Variants in GRM8 observed in about 807,000 individuals in gnomAD.
The protein encoded by GRM8 is glutamate metabotropic receptor 8.
A neutral mutation model predicts 87.2 loss-of-function variants in GRM8; 47 were observed. The observed-to-expected ratio is 0.54, with a 90% confidence interval of 0.43 to 0.69. The LOEUF is 0.69. Ranked by LOEUF, GRM8 falls within the 30% of genes least tolerant of loss-of-function variation. The pLI is 0.00. For missense variants in GRM8, 1,019 were observed against 1,139.2 expected (o/e 0.89, Z 1.52); for synonymous variants, 396 against 404.5 (o/e 0.98, Z 0.25).
chr7:126,849,720 T>A (rs2130703836), intron 6 of GRM8, among the ~76,000 whole-genome samples: 1 of 152,148 alleles, frequency 6.6e-6, no homozygotes, highest in Admixed American at 6.5e-5. Flanking sequence ...CCAGAAGCAA[T>A]TACAAGGGAA....
intron 7 of GRM8, among the ~76,000 whole-genome samples, chr7:126,726,712 C>A (rs1190759947): frequency 2.0e-5 from 3 of 152,078 alleles, no homozygotes; most frequent in African/African-American, 7.2e-5. Flanking sequence ...CCAGAAAAAT[C>A]TTCAGATTTT....
intron 3 of GRM8, among the ~76,000 whole-genome samples, chr7:127,089,170 A>C (rs1479126542): frequency 6.6e-6 from 1 of 152,226 alleles, no homozygotes; most frequent in Admixed American, 6.5e-5. Flanking sequence ...AAGAGACAGA[A>C]AAGGAGAAAA....
In GRM8 at chr7:127,106,493, T is replaced by A. The variant is rs1313458109; in HGVS notation, c.727+3A>T. The A allele has an allele frequency of 6.2e-7, 1 of 1,608,310 alleles. No individual in the cohort carries two copies. Among genetic ancestry groups the A allele is most frequent in the Admixed American group, 1.7e-5 (1 of 59,980 alleles). ...TACAATCATCTGATAAATATATGCT[T>A]ACCAATCTCCCTCGAGATCTGGGTG... On this transcript the variant is annotated splice_donor_region_variant and intron_variant, in intron 3 of 10. Transcript: ENST00000339582.
At chr7:126,701,800 A>G (rs752865814) in intron 7 of GRM8, 7 of 1,292,338 alleles carry the variant, frequency 5.4e-6, no homozygotes, top group Non-Finnish European at 7.2e-6. Flanking sequence ...TGGCCAGGGT[A>G]GAGACATCTG....
chr7:127,119,667 T>C lies in GRM8; in HGVS notation c.511-12955A>G, dbSNP rs17866146. 2.0e-4 allele frequency among the ~76,000 whole-genome samples: 31 copies of C among 152,294 alleles called. No individual in the cohort carries two copies. In the East Asian group the frequency reaches 6.0e-3, roughly 29 times the overall value. Reference sequence around the variant, plus strand: ...TGCTTAGGAAAAGCTAACAATTCAGTAGTCTTGGTGAAAGGTGTTCATGAG... The same window carrying C: ...TGCTTAGGAAAAGCTAACAATTCAGCAGTCTTGGTGAAAGGTGTTCATGAG... On this transcript the variant is annotated intron_variant, in intron 2 of 10. Transcript: ENST00000339582.
At chr7:126,839,022 C>T (rs1796038968) in intron 6 of GRM8, among the ~76,000 whole-genome samples, 1 of 152,134 alleles carries the variant, frequency 6.6e-6, no homozygotes, top group South Asian at 2.1e-4. Context: ...GCAAGCCCTT[C>T]AGCCTGAAAT....
chr7:126,605,596 T>C (rs1317819351), intron 8 of GRM8, among the ~76,000 whole-genome samples: 1 of 152,176 alleles, frequency 6.6e-6, no homozygotes, highest in Non-Finnish European at 1.5e-5. Context: ...ACCCTCTTTG[T>C]ACAAATTTAT....
intron 6 of GRM8, among the ~76,000 whole-genome samples, chr7:126,811,346 A>AT (rs918072401): frequency 7.6e-5 from 11 of 145,090 alleles, no homozygotes; most frequent in East Asian, 2.0e-4. Context: ...GGTATTCGGG[A>AT]TTTTTTTTTT....
chr7:126,986,876 C>G (rs192611104), intron 3 of GRM8, among the ~76,000 whole-genome samples: 51 of 152,286 alleles, frequency 3.3e-4, no homozygotes, highest in African/African-American at 1.2e-3. Context: ...ATTGATATAG[C>G]ACTTGCTACA....
At position 126,533,780 on chromosome 7, in the gene GRM8, G is replaced by A. The variant is rs1438727099; in HGVS notation, c.1602C>T (p.Cys534=). 10 of 1,613,980 alleles carry A rather than the reference G, an allele frequency of 6.2e-6. No individual in the cohort carries two copies. The highest frequency in any genetic ancestry group is 1.3e-5 in the African/African-American group (1 of 75,008). Residue 534 remains cysteine (C), a synonymous_variant, in exon 9 of 11, where the codon TGC becomes TGT. Transcript: ENST00000339582. The part of the protein sequence containing the change: ...ERKKTVKGVP[C]CWHCERCEGY... ...CTTCACAGCGTTCACAGTGCCAGCA[G>A]CAAGGGACCCCTTTCACCGTTTTCT...
intron 3 of GRM8, among the ~76,000 whole-genome samples, chr7:126,944,964 TAACTC>T (rs1278047747): frequency 6.6e-6 from 1 of 152,226 alleles, no homozygotes; most frequent in African/African-American, 2.4e-5. Flanking sequence ...GAAGTATTAA[TAACTC>T]AACTGTGAGT....
At chr7:126,610,574 T>C (rs1285039157) in intron 7 of GRM8, among the ~76,000 whole-genome samples, 1 of 152,202 alleles carries the variant, frequency 6.6e-6, no homozygotes, top group South Asian at 2.1e-4. Context: ...GTTATATACG[T>C]CAACTGTACA....
chr7:126,761,256 T>C (rs1190714859), intron 7 of GRM8, among the ~76,000 whole-genome samples: 1 of 150,894 alleles, frequency 6.6e-6, no homozygotes, highest in Non-Finnish European at 1.5e-5. Flanking sequence ...AGTTGATATA[T>C]CAATAGTATA....
At chr7:127,080,240 G>A (rs1822717030) in intron 3 of GRM8, among the ~76,000 whole-genome samples, 1 of 152,066 alleles carries the variant, frequency 6.6e-6, no homozygotes, top group South Asian at 2.1e-4. Flanking sequence ...AGATAGAAGG[G>A]GACCATAGCC....
intron 2 of GRM8, among the ~76,000 whole-genome samples, chr7:127,235,382 G>A (rs2116835565): frequency 6.6e-6 from 1 of 152,320 alleles, no homozygotes; most frequent in Non-Finnish European, 1.5e-5. Context: ...GACTTGGAAT[G>A]TTGTGTCCTG....
intron 3 of GRM8, among the ~76,000 whole-genome samples, chr7:126,908,390 G>T (rs925742479): frequency 6.6e-6 from 1 of 152,200 alleles, no homozygotes; most frequent in Admixed American, 6.5e-5. Context: ...CAACCTCCGT[G>T]AGTGGAAACA....
chr7:126,949,297 C>T (rs17869367), intron 3 of GRM8, among the ~76,000 whole-genome samples: 2,559 of 152,182 alleles, frequency 0.017, 67 homozygotes, highest in African/African-American at 0.058. Context: ...CCAGAGACCT[C>T]GAAGACAAAA....
intron 3 of GRM8, among the ~76,000 whole-genome samples, chr7:126,993,584 G>A (rs182135409): frequency 6.6e-6 from 1 of 152,326 alleles, no homozygotes; most frequent in Admixed American, 6.5e-5. Context: ...AAATGGGTAG[G>A]AAAGACAGGC....
At chr7:127,059,970 AG>A (rs1469313966) in intron 3 of GRM8, among the ~76,000 whole-genome samples, 1 of 152,214 alleles carries the variant, frequency 6.6e-6, no homozygotes, top group African/African-American at 2.4e-5. Flanking sequence ...AAAACACTTC[AG>A]CCCAGCCAAT....
Sources: gnomAD v4.1 joint callset for allele counts (sites outside exome capture counted in the v4.1 genomes callset) on GRCh38, gnomAD v4.1.1 for gene constraint, MANE v1.5 for transcripts, NCBI Gene and HGNC (gene_info 2026-07-23, HGNC 2026-07-21) for gene names.